The following TRAF1 variants were observed in gnomAD, a reference collection of about 807,000 sequenced individuals.
TRAF1 encodes TNF receptor-associated factor 1.
In TRAF1, 23 loss-of-function variants were observed where a neutral mutation model predicts 40.9. That is an observed-to-expected ratio of 0.56 (90% CI 0.40 to 0.80). The LOEUF is 0.80. Ranked by LOEUF, TRAF1 falls within the 30% of genes least tolerant of loss-of-function variation. The pLI is 0.00. For synonymous variants in TRAF1, 206 were observed against 218.8 expected (o/e 0.94, Z 0.52); for missense variants, 477 against 528.7 (o/e 0.90, Z 0.96).
Position 120,926,138 on chromosome 9 carries a change from G to C in TRAF1, c.-63C>G, listed in dbSNP as rs192358093. ...TGCTCCAGGGCAGGGGACCAGCCTT[G>C]TGGAGTCCTGGCCTGGGCCTCACTC... On this transcript the variant is annotated 5_prime_UTR_variant, in exon 2 of 8. Coordinates refer to ENST00000373887, the MANE Select transcript of TRAF1 (RefSeq NM_005658.5). The C allele has an allele frequency of 2.7e-6, 4 of 1,467,042 alleles. No individual in the cohort carries two copies. In the African/African-American group the frequency reaches 4.3e-5, roughly 16 times the overall value. 90.9% of individuals were successfully genotyped at this position (1,467,042 alleles called of 1,614,324 possible).
intron 2 of TRAF1, 60 bp from the exon 3 acceptor site, chr9:120,923,852 C>CT (rs2046620958): frequency 7.0e-7 from 1 of 1,432,372 alleles, no homozygotes; most frequent in Non-Finnish European, 9.8e-7. Context: ...ACCATCCACT[C>CT]TCCTGACAGC....
At chr9:120,918,447 C>G (rs989811573) in intron 3 of TRAF1, among the ~76,000 whole-genome samples, 1 of 149,554 alleles carries the variant, frequency 6.7e-6, no homozygotes, top group Non-Finnish European at 1.5e-5. Flanking sequence ...AGTAATACTA[C>G]TAGTATTACT....
rs897493379 is a variant in TRAF1, at chr9:120,902,851, T to C, written c.*2169A>G. 7 of 152,248 alleles carry C rather than the reference T, an allele frequency of 4.6e-5. No homozygotes were observed. Among genetic ancestry groups the C allele is most frequent in the Non-Finnish European group, 7.3e-5 (5 of 68,072 alleles). 9.4% of individuals were successfully genotyped at this position (152,248 alleles called of 1,614,324 possible). The stretch of plus-strand genomic sequence containing the variant: ...TTGAGTCCAGAGTGCACATCTTGCC[T>C]TTCTCCCTTCAATGTCGAACACAGT... On this transcript the variant is annotated 3_prime_UTR_variant, in exon 8 of 8. Coordinates refer to ENST00000373887, the MANE Select transcript of TRAF1 (RefSeq NM_005658.5).
chr9:120,913,227 G>T (rs2046541548), intron 5 of TRAF1, 101 bp downstream of exon 5: 1 of 1,382,570 alleles, frequency 7.2e-7, no homozygotes, highest in Admixed American at 2.6e-5. Context: ...TGGAGTGACT[G>T]CTGTAAGCAG....
Position 120,905,029 on chromosome 9 carries a change from G to A in TRAF1, c.1242C>T (p.Thr414=). 6.2e-7 allele frequency: 1 copy of A among 1,613,620 alleles called. No homozygotes were observed. The highest frequency in any genetic ancestry group is 8.5e-7 in the Non-Finnish European group (1 of 1,179,896). ...DTMFLKCIVE[T]ST Reference sequence around the variant, plus strand: ...AGGAGCCCCGCCCACCCTAAGTGCTGGTCTCCACAATGCACTTGAGGAACA... The same window carrying A: ...AGGAGCCCCGCCCACCCTAAGTGCTAGTCTCCACAATGCACTTGAGGAACA... The change falls in exon 8 of 8, where the codon ACC becomes ACT. Residue 414 remains threonine, a synonymous_variant. Transcript: ENST00000373887.
At chr9:120,906,028 C>T (rs1223187903) in intron 7 of TRAF1, among the ~76,000 whole-genome samples, 1 of 152,138 alleles carries the variant, frequency 6.6e-6, no homozygotes. Context: ...TGACTCACAT[C>T]CAGACCAAAG....
At chr9:120,909,151 G>T in intron 7 of TRAF1, 79 bp downstream of exon 7, 1 of 1,538,884 alleles carries the variant, frequency 6.5e-7, no homozygotes, top group Non-Finnish European at 8.8e-7. Flanking sequence ...AGGTCACATG[G>T]CCAATTCATT....
At chr9:120,918,498 C>G (rs1013720692) in intron 3 of TRAF1, among the ~76,000 whole-genome samples, 4 of 151,946 alleles carry the variant, frequency 2.6e-5, no homozygotes, top group Non-Finnish European at 5.9e-5. Context: ...AGCACTGCCC[C>G]GGGACATCTC....
At position 120,913,480 on chromosome 9, in the gene TRAF1, T is replaced by C. The variant is rs1306647622; in HGVS notation, c.553A>G (p.Lys185Glu). 2 of 1,613,890 alleles carry C rather than the reference T, an allele frequency of 1.2e-6. No individual in the cohort carries two copies. The highest frequency in any genetic ancestry group is 2.2e-5 in the East Asian group (1 of 44,878). ...TTCCCCTCCAGCTCAGCCAGAAGCT[T>C]CTCCTTCATGAAGTGCTGCAGGGCC... ...ELALQHFMKEKLLAELEGKLR... is the reference protein window; with the variant it reads ...ELALQHFMKEELLAELEGKLR... Residue 185 changes from lysine (K) to glutamate (E), a missense_variant, in exon 5 of 8, where the codon AAG (lysine) becomes GAG (glutamate). By Grantham distance (56) the Lys-to-Glu change is moderately conservative. Coordinates refer to ENST00000373887, the MANE Select transcript of TRAF1 (RefSeq NM_005658.5).
rs2046471979 is a variant in TRAF1, at chr9:120,905,256, G to A, written c.1033-18C>T. On this transcript the variant is annotated intron_variant, in intron 7 of 7. Transcript: ENST00000373887. ...AAGGTGACCTGCAGGGAAGGGATAG[G>A]TGGGAGATCAGGCCCTACAGCAGCA... 1 of 1,589,848 alleles carries A rather than the reference G, an allele frequency of 6.3e-7. No individual in the cohort carries two copies. Among genetic ancestry groups the A allele is most frequent in the African/African-American group, 1.3e-5 (1 of 74,446 alleles).
intron 3 of TRAF1, 22 bp downstream of exon 3, chr9:120,923,682 CT>C (rs2046619228): frequency 6.2e-7 from 1 of 1,613,228 alleles, no homozygotes; most frequent in South Asian, 1.1e-5. Flanking sequence ...GGACAAATGC[CT>C]TTCTGTGATG....
At chr9:120,915,253 G>T (rs546649003) in intron 3 of TRAF1, among the ~76,000 whole-genome samples, 1 of 152,188 alleles carries the variant, frequency 6.6e-6, no homozygotes, top group Non-Finnish European at 1.5e-5. Flanking sequence ...GCTACACACC[G>T]AAACTCTGTG....
chr9:120,920,612 C>T (rs960594717), intron 3 of TRAF1, among the ~76,000 whole-genome samples: 4 of 152,230 alleles, frequency 2.6e-5, no homozygotes, highest in Non-Finnish European at 5.9e-5. Flanking sequence ...CCCTCCTTCA[C>T]TGTCACTTCT....
Position 120,911,413 on chromosome 9 carries a change from A to G in TRAF1, c.806T>C (p.Phe269Ser). The G allele has an allele frequency of 6.2e-7, 1 of 1,613,688 alleles. No individual in the cohort carries two copies. The highest frequency in any genetic ancestry group is 8.5e-7 in the Non-Finnish European group (1 of 1,180,026). The change falls in exon 6 of 8, where the codon TTC becomes TCC. Residue 269 changes from phenylalanine to serine, a missense_variant. By Grantham distance (155) the Phe-to-Ser change is radical (BLOSUM62 -2). Coordinates refer to ENST00000373887, the MANE Select transcript of TRAF1 (RefSeq NM_005658.5). ...LMEEASFDGT[F>S]LWKITNVTRR... is the part of the protein sequence containing the mutation. ...GGTGACATTGGTGATCTTCCACAGG[A>G]AAGTGCCATCGAAGGAGGCCTCCTC...
intron 2 of TRAF1, among the ~76,000 whole-genome samples, chr9:120,925,202 G>A (rs889203318): frequency 6.6e-6 from 1 of 152,244 alleles, no homozygotes. Context: ...ATATTTGCCA[G>A]GAAACTGACC....
At position 120,911,198 on chromosome 9, in the gene TRAF1, G is replaced by A. The variant is rs1452281989; in HGVS notation, c.883+138C>T. On this transcript the variant is annotated intron_variant, in intron 6 of 7. Coordinates refer to ENST00000373887, the MANE Select transcript of TRAF1 (RefSeq NM_005658.5). Reference sequence around the variant, plus strand: ...GATCCCAGCATGGTTCCTGCCCATGGTGAGTGGCCTGAATGGGCACTGGCC... The same window carrying A: ...GATCCCAGCATGGTTCCTGCCCATGATGAGTGGCCTGAATGGGCACTGGCC... 6 of 978,128 alleles carry A rather than the reference G, an allele frequency of 6.1e-6. No homozygotes were observed. The African/African-American group carries it at 9.8e-5, about 16-fold the overall frequency. The allele number at this position is 978,128 out of a possible 1,614,324, so 60.6% of individuals were successfully genotyped here.
At position 120,902,973 on chromosome 9, in the gene TRAF1, A is replaced by G. The variant is rs1391968137; in HGVS notation, c.*2047T>C. The G allele has an allele frequency of 2.0e-5, 3 of 152,216 alleles. No individual in the cohort carries two copies. The allele number at this position is 152,216 out of a possible 1,614,324, so 9.4% of individuals were successfully genotyped here. Reference sequence around the variant, plus strand: ...TATCTCTTGCCATCAGAAATAGGCAATCAAAAGTGTAGAGTAACAGCTGTT... The same window carrying G: ...TATCTCTTGCCATCAGAAATAGGCAGTCAAAAGTGTAGAGTAACAGCTGTT... On this transcript the variant is annotated 3_prime_UTR_variant, in exon 8 of 8. Coordinates refer to ENST00000373887, the MANE Select transcript of TRAF1 (RefSeq NM_005658.5).
At chr9:120,914,409 T>A in intron 3 of TRAF1, 109 bp from the exon 4 acceptor site, 1 of 1,278,412 alleles carries the variant, frequency 7.8e-7, no homozygotes, top group Non-Finnish European at 1.0e-6. Flanking sequence ...TTGGGCCACA[T>A]GACTTTGCAC....
At chr9:120,928,336 T>C (rs1238587159), upstream of TRAF1, 1 of 152,264 alleles carries the variant, frequency 6.6e-6, no homozygotes, top group East Asian at 1.9e-4. Context: ...AGATTGTCTA[T>C]ACAGGCACTT....
Sources: allele counts gnomAD v4.1 joint callset (sites outside exome capture counted in the v4.1 genomes callset), GRCh38; gene constraint gnomAD v4.1.1; transcripts MANE v1.5; gene names NCBI Gene and HGNC (gene_info 2026-07-23, HGNC 2026-07-21).